The following NAA11 variants were observed in gnomAD, a reference collection of about 807,000 sequenced individuals.
NAA11 encodes N-alpha-acetyltransferase 11, NatA catalytic subunit, also known as N-alpha-acetyltransferase 11.
NAA11 carries 15 observed loss-of-function variants against 16.1 expected under a neutral mutation model. The ratio of observed to expected loss-of-function variants is 0.93; its 90% CI spans 0.62 to 1.44. NAA11 has a LOEUF of 1.44. NAA11 is among the 40% of genes most tolerant of loss of function. NAA11 has a pLI of 0.00. For missense variants in NAA11, 298 were observed against 291.3 expected (o/e 1.02, Z -0.17); for synonymous variants, 122 against 112.4 (o/e 1.09, Z -0.54).
intron 1 of NAA11, among the ~76,000 whole-genome samples, chr4:79,297,459 G>A (rs1723256692): frequency 6.6e-6 from 1 of 152,132 alleles, no homozygotes; most frequent in Non-Finnish European, 1.5e-5. Flanking sequence ...TAGGGCCTGG[G>A]CATCTCTGCA....
chr4:79,210,352 C>G, the NAA11 span, among the ~76,000 whole-genome samples: 3 of 152,054 alleles, frequency 2.0e-5, no homozygotes, highest in Admixed American at 6.6e-5. Flanking sequence ...GAGCATGTTA[C>G]AAGGGTAGAA....
intron 2 of NAA11, among the ~76,000 whole-genome samples, chr4:79,290,761 G>A (rs966515884): frequency 2.6e-5 from 4 of 152,110 alleles, no homozygotes; most frequent in Admixed American, 2.0e-4. Context: ...TCAGAAGAGG[G>A]AGAGAACTTG....
the NAA11 span, among the ~76,000 whole-genome samples, chr4:79,172,923 CT>C: frequency 6.6e-6 from 1 of 152,096 alleles, no homozygotes; most frequent in Non-Finnish European, 1.5e-5. Context: ...GCACAGAGAG[CT>C]TAAATAACTC....
At chr4:79,216,330 A>G in the NAA11 span, among the ~76,000 whole-genome samples, 3 of 152,216 alleles carry the variant, frequency 2.0e-5, no homozygotes, top group East Asian at 5.8e-4. Flanking sequence ...TATGTTTGAG[A>G]TCATAGTATA....
At chr4:79,251,413 G>A (rs1399675348) in intron 2 of NAA11, among the ~76,000 whole-genome samples, 1 of 152,178 alleles carries the variant, frequency 6.6e-6, no homozygotes, top group Admixed American at 6.5e-5. Flanking sequence ...TTATAAGTGG[G>A]AGCTAAGCAT....
At chr4:79,277,324 T>G (rs998336826) in intron 2 of NAA11, among the ~76,000 whole-genome samples, 2 of 152,208 alleles carry the variant, frequency 1.3e-5, no homozygotes, top group African/African-American at 4.8e-5. Flanking sequence ...TATCCGTAAG[T>G]TGGTGCAGAG....
At chr4:79,173,831 A>C in the NAA11 span, among the ~76,000 whole-genome samples, 2 of 152,262 alleles carry the variant, frequency 1.3e-5, no homozygotes, top group South Asian at 4.1e-4. Flanking sequence ...GTTATTTATA[A>C]GGTTAAGTGA....
intron 2 of NAA11, among the ~76,000 whole-genome samples, chr4:79,275,759 A>G (rs1354340019): frequency 6.6e-6 from 1 of 152,116 alleles, no homozygotes; most frequent in African/African-American, 2.4e-5. Flanking sequence ...GTGAAAACTA[A>G]TGGAAAGGAA....
At chr4:79,247,099 G>A (rs911473096) in intron 2 of NAA11, among the ~76,000 whole-genome samples, 4 of 152,184 alleles carry the variant, frequency 2.6e-5, no homozygotes, top group African/African-American at 9.6e-5. Context: ...AAAGCCAGGA[G>A]TTCAGAGGTG....
At chr4:79,255,101 A>T (rs1246252978) in intron 2 of NAA11, among the ~76,000 whole-genome samples, 1 of 152,214 alleles carries the variant, frequency 6.6e-6, no homozygotes, top group East Asian at 1.9e-4. Flanking sequence ...ATTTATAGAA[A>T]TTTCAAAGAC....
At chr4:79,296,978 G>A (rs561225833) in intron 1 of NAA11, among the ~76,000 whole-genome samples, 1 of 152,302 alleles carries the variant, frequency 6.6e-6, no homozygotes, top group South Asian at 2.1e-4. Context: ...AGTGACAGCA[G>A]GAGCGGCTGT....
At chr4:79,211,783 G>T in the NAA11 span, 2 of 152,200 alleles carry the variant, frequency 1.3e-5, no homozygotes, top group Non-Finnish European at 2.9e-5. Context: ...GGCTCACTTT[G>T]CAGGAAAACA....
At chr4:79,188,010 A>T in the NAA11 span, among the ~76,000 whole-genome samples, 1 of 151,284 alleles carries the variant, frequency 6.6e-6, no homozygotes, top group African/African-American at 2.4e-5. Flanking sequence ...AAAAAAAAAA[A>T]AAAAAAAAAA....
At chr4:79,161,971 A>G in the NAA11 span, among the ~76,000 whole-genome samples, 3 of 152,144 alleles carry the variant, frequency 2.0e-5, no homozygotes, top group South Asian at 2.1e-4. Context: ...GTGAGCCACC[A>G]CACCCGGCCT....
the NAA11 span, among the ~76,000 whole-genome samples, chr4:79,195,237 A>G: frequency 6.6e-6 from 1 of 152,116 alleles, no homozygotes; most frequent in Admixed American, 6.6e-5. Flanking sequence ...TGGAATCTTG[A>G]GAACAACTTG....
the NAA11 span, among the ~76,000 whole-genome samples, chr4:79,210,013 T>A: frequency 2.0e-5 from 3 of 152,066 alleles, no homozygotes; most frequent in Non-Finnish European, 4.4e-5. Flanking sequence ...GCTGCTGCAC[T>A]CCAGACTGGG....
intron 1 of NAA11, among the ~76,000 whole-genome samples, chr4:79,323,992 GACTCT>G (rs1365675658): frequency 1.4e-5 from 2 of 138,804 alleles, no homozygotes; most frequent in Non-Finnish European, 3.1e-5. Context: ...GACAGAACGA[GACTCT>G]GTCTCAAAAA....
intron 1 of NAA11, among the ~76,000 whole-genome samples, chr4:79,309,308 A>AT (rs11464505): frequency 0.59 from 89,201 of 151,956 alleles, 26,498 homozygotes; most frequent in East Asian, 0.85. Context: ...TACTTCAGCC[A>AT]TTTTTTTCCT....
intron 2 of NAA11, among the ~76,000 whole-genome samples, chr4:79,240,901 G>A (rs1262914259): frequency 6.6e-6 from 1 of 152,086 alleles, no homozygotes; most frequent in Admixed American, 6.6e-5. Flanking sequence ...AACAAAAAAA[G>A]GCAGGGTAAC....
Sources: gnomAD v4.1 joint callset for allele counts (sites outside exome capture counted in the v4.1 genomes callset) on GRCh38, gnomAD v4.1.1 for gene constraint, MANE v1.5 for transcripts, NCBI Gene and HGNC (gene_info 2026-07-23, HGNC 2026-07-21) for gene names.